Variants in COG7 observed in about 807,000 individuals in gnomAD.
COG7 encodes component of oligomeric golgi complex 7.
Under a neutral mutation model 91.5 loss-of-function variants are expected in COG7, and 49 were observed. The ratio of observed to expected loss-of-function variants is 0.54; its 90% CI spans 0.43 to 0.68. COG7 has a LOEUF of 0.68. COG7 is among the 30% of genes least tolerant of loss of function. The probability of loss-of-function intolerance (pLI) is 0.00; values close to 1 mark genes in which losing one functional copy is unlikely to be tolerated. For missense variants in COG7, 895 were observed against 961.3 expected (o/e 0.93, Z 0.91); for synonymous variants, 365 against 388.7 (o/e 0.94, Z 0.72).
intron 13 of COG7, among the ~76,000 whole-genome samples, chr16:23,399,496 A>C (rs750792935): frequency 6.6e-6 from 1 of 152,172 alleles, no homozygotes; most frequent in Non-Finnish European, 1.5e-5. Context: ...GCTCTCTAGA[A>C]GGGAGCTACT....
intron 8 of COG7, among the ~76,000 whole-genome samples, chr16:23,418,061 C>A (rs1963685823): frequency 6.6e-6 from 1 of 152,178 alleles, no homozygotes; most frequent in Non-Finnish European, 1.5e-5. Flanking sequence ...GCAGCATTGC[C>A]CATGAGTGCT....
chr16:23,406,538 G>A (rs1963465448), intron 11 of COG7, among the ~76,000 whole-genome samples: 1 of 152,180 alleles, frequency 6.6e-6, no homozygotes, highest in Non-Finnish European at 1.5e-5. Context: ...AGCCTACATA[G>A]GGGCAGCTCT....
At position 23,418,846 on chromosome 16, in the gene COG7, G is replaced by A. The variant is rs748110576; in HGVS notation, c.1010-19C>T. On this transcript the variant is annotated intron_variant, in intron 7 of 16. Coordinates refer to ENST00000307149, the MANE Select transcript of COG7 (RefSeq NM_153603.4). ...TGTTCATCTTTAGGGAATCAGAAATGTAAAACGATAATGAACAAAGAATCT... is the reference window on the plus strand; with the variant it reads ...TGTTCATCTTTAGGGAATCAGAAATATAAAACGATAATGAACAAAGAATCT... The A allele has an allele frequency of 4.3e-6, 7 of 1,611,136 alleles. No individual in the cohort carries two copies. The highest frequency in any genetic ancestry group is 1.3e-5 in the African/African-American group (1 of 75,016).
chr16:23,428,404 C>T (rs146468653), intron 6 of COG7, among the ~76,000 whole-genome samples: 2 of 151,760 alleles, frequency 1.3e-5, no homozygotes, highest in African/African-American at 4.8e-5. Flanking sequence ...AATAAAAAGG[C>T]AAATAACCTG....
At chr16:23,398,211 A>C in intron 13 of COG7, 82 bp from the exon 14 acceptor site, 1 of 1,123,844 alleles carries the variant, frequency 8.9e-7, no homozygotes, top group Non-Finnish European at 1.3e-6. Flanking sequence ...CACAAGAAGA[A>C]CATGGCCTTC....
At chr16:23,432,529 T>A (rs1048826314) in intron 6 of COG7, among the ~76,000 whole-genome samples, 7 of 151,592 alleles carry the variant, frequency 4.6e-5, no homozygotes, top group Admixed American at 2.6e-4. Flanking sequence ...AAGAAAAAAA[T>A]AAATAAAATA....
chr16:23,394,119 T>C (rs1178673976), intron 14 of COG7, among the ~76,000 whole-genome samples: 2 of 151,820 alleles, frequency 1.3e-5, no homozygotes, highest in Non-Finnish European at 2.9e-5. Context: ...CTAGATAATT[T>C]AACCAGAAGA....
Position 23,388,686 on chromosome 16 carries a change from G to T in COG7, c.*234C>A. On this transcript the variant is annotated 3_prime_UTR_variant, in exon 17 of 17. Coordinates refer to ENST00000307149, the MANE Select transcript of COG7 (RefSeq NM_153603.4). ...GCTGTTAATTTTTGTATTTTTAGTA[G>T]AGATGGGGTTTCACCATGTTGGTCA... is the stretch of plus-strand genomic sequence containing the variant. 5.7e-6 allele frequency: 2 copies of T among 352,300 alleles called. No individual in the cohort carries two copies. The highest frequency in any genetic ancestry group is 1.0e-5 in the Non-Finnish European group (2 of 200,244). The allele number at this position is 352,300 out of a possible 1,614,324, so 21.8% of individuals were successfully genotyped here. A position where few individuals can be genotyped will look rare whatever the true frequency, so the allele number is the denominator to read the frequency against.
At chr16:23,393,616 T>G in intron 14 of COG7, 2 of 478,724 alleles carry the variant, frequency 4.2e-6, no homozygotes, top group South Asian at 4.6e-5. Flanking sequence ...CTATCTCCAA[T>G]GAAGTAATGG....
intron 4 of COG7, among the ~76,000 whole-genome samples, chr16:23,436,694 C>G (rs1049993753): frequency 4.6e-5 from 7 of 152,068 alleles, no homozygotes; most frequent in African/African-American, 1.7e-4. Flanking sequence ...CCACTGCAGT[C>G]CAGCCTGGGC....
At chr16:23,444,104 C>T (rs1052929925) in intron 3 of COG7, among the ~76,000 whole-genome samples, 2 of 150,896 alleles carry the variant, frequency 1.3e-5, no homozygotes, top group African/African-American at 2.4e-5. Context: ...TGCCACTGTA[C>T]TCCAGCCTGG....
intron 6 of COG7, among the ~76,000 whole-genome samples, chr16:23,428,161 A>C (rs1963878328): frequency 6.6e-6 from 1 of 151,826 alleles, no homozygotes; most frequent in East Asian, 1.9e-4. Context: ...TGACCAACAT[A>C]GTGAAACCCC....
At chr16:23,419,662 T>C (rs919352026) in intron 7 of COG7, among the ~76,000 whole-genome samples, 3 of 147,490 alleles carry the variant, frequency 2.0e-5, no homozygotes, top group African/African-American at 5.1e-5. Context: ...GGCAGGAGAA[T>C]TGCTTGAACC....
At chr16:23,420,910 AT>A (rs72250117) in intron 7 of COG7, among the ~76,000 whole-genome samples, 7,567 of 118,148 alleles carry the variant, frequency 0.064, 256 homozygotes, top group African/African-American at 0.15. Flanking sequence ...TACCTGGCTA[AT>A]TTTTTTTTTT....
chr16:23,388,757 CCCAAAG>C lies in COG7; in HGVS notation c.*157_*162del. ...CTTCATGATCCATCTGGCTTGGCCTCCCAAAGTGCTGGGATTACAGGCGTGAGCCAC... is the reference window on the plus strand; with the variant it reads ...CTTCATGATCCATCTGGCTTGGCCTCTGCTGGGATTACAGGCGTGAGCCAC... On this transcript the variant is annotated 3_prime_UTR_variant, in exon 17 of 17. Coordinates refer to ENST00000307149, the MANE Select transcript of COG7 (RefSeq NM_153603.4). 1 of 1,334,664 alleles carries C rather than the reference CCCAAAG, an allele frequency of 7.5e-7. No individual in the cohort carries two copies. Among genetic ancestry groups the C allele is most frequent in the Non-Finnish European group, 9.9e-7 (1 of 1,006,664 alleles). 82.7% of individuals were successfully genotyped at this position (1,334,664 alleles called of 1,614,324 possible). A position where few individuals can be genotyped will look rare whatever the true frequency, so the allele number is the denominator to read the frequency against.
intron 1 of COG7, chr16:23,446,502 A>AGT (rs1964185076): frequency 7.4e-6 from 1 of 135,774 alleles, no homozygotes; most frequent in Non-Finnish European, 1.4e-5. Flanking sequence ...CCCAGGCTGG[A>AGT]GTGCAGTGGC....
intron 16 of COG7, among the ~76,000 whole-genome samples, chr16:23,390,498 T>A (rs963499527): frequency 6.7e-6 from 1 of 149,118 alleles, no homozygotes; most frequent in Non-Finnish European, 1.5e-5. Context: ...GCCACCGCGC[T>A]CAGTGCCCCC....
chr16:23,418,580 A>C (rs1963694545), intron 8 of COG7, 120 bp downstream of exon 8: 2 of 810,422 alleles, frequency 2.5e-6, no homozygotes, highest in South Asian at 2.8e-5. Context: ...AAGAGCCCAC[A>C]AGTGCTTAAA....
chr16:23,442,790 C>T, intron 3 of COG7, 145 bp from the exon 4 acceptor site: 2 of 756,524 alleles, frequency 2.6e-6, no homozygotes, highest in South Asian at 2.9e-5. Flanking sequence ...AATCCCAGCA[C>T]TTTCGGAGAT....
Sources: allele counts gnomAD v4.1 joint callset (sites outside exome capture counted in the v4.1 genomes callset), GRCh38; gene constraint gnomAD v4.1.1; transcripts MANE v1.5; gene names NCBI Gene and HGNC (gene_info 2026-07-23, HGNC 2026-07-21).